Variants in PARP15 observed in about 807,000 individuals in gnomAD.
PARP15 encodes protein mono-ADP-ribosyltransferase PARP15.
Under a neutral mutation model 62.1 loss-of-function variants are expected in PARP15, and 50 were observed. The observed-to-expected ratio is 0.81, with a 90% confidence interval of 0.64 to 1.02. PARP15 has a LOEUF of 1.02. PARP15 is among the 50% of genes least tolerant of loss of function. PARP15 has a pLI of 0.00. For synonymous variants in PARP15, 309 were observed against 293.1 expected, an observed-to-expected ratio of 1.05 and a Z score of -0.55; for missense variants, 820 against 826.5, an observed-to-expected ratio of 0.99 and a Z score of 0.10.
intron 9 of PARP15, among the ~76,000 whole-genome samples, chr3:122,631,426 C>G (rs1937054965): frequency 6.6e-6 from 1 of 152,124 alleles, no homozygotes; most frequent in Admixed American, 6.6e-5. Flanking sequence ...AGGAAGAAAT[C>G]CTTTGGTTTT....
At chr3:122,610,118 G>T (rs377522853) in intron 2 of PARP15, among the ~76,000 whole-genome samples, 8 of 152,194 alleles carry the variant, frequency 5.3e-5, no homozygotes, top group Admixed American at 6.5e-5. Context: ...ATCTTTCTGT[G>T]TTTTTGTTTC....
At chr3:122,634,116 G>A (rs186431995) in intron 10 of PARP15, among the ~76,000 whole-genome samples, 1 of 152,198 alleles carries the variant, frequency 6.6e-6, no homozygotes, top group East Asian at 1.9e-4. Flanking sequence ...CAGCTGCCCA[G>A]GTACTCACTC....
At chr3:122,602,027 A>T (rs1934834934) in intron 1 of PARP15, among the ~76,000 whole-genome samples, 1 of 151,870 alleles carries the variant, frequency 6.6e-6, no homozygotes, top group South Asian at 2.1e-4. Context: ...TTTTTATATG[A>T]CTTAGCTGCT....
At chr3:122,584,011 TGTGGTAAG>T (rs1933196915) in intron 1 of PARP15, among the ~76,000 whole-genome samples, 2 of 34,306 alleles carry the variant, frequency 5.8e-5, no homozygotes, top group South Asian at 1.7e-3. Context: ...CCGCTCTCCA[TGTGGTAAG>T]CCTATGTGGT....
At chr3:122,632,763 A>T (rs1400851507) in intron 10 of PARP15, among the ~76,000 whole-genome samples, 1 of 152,208 alleles carries the variant, frequency 6.6e-6, no homozygotes, top group Non-Finnish European at 1.5e-5. Context: ...TGTCTAGGGA[A>T]TACCTTGTTC....
intron 9 of PARP15, among the ~76,000 whole-genome samples, chr3:122,627,936 C>G (rs548258991): frequency 3.7e-4 from 56 of 152,186 alleles, no homozygotes; most frequent in Non-Finnish European, 7.5e-4. Context: ...CTGGCTTAAG[C>G]AAAAAGCAGA....
In PARP15 at chr3:122,577,657, G is replaced by A; in HGVS notation, c.-11G>A. On this transcript the variant is annotated 5_prime_UTR_variant, in exon 1 of 12. Coordinates refer to ENST00000464300, the MANE Select transcript of PARP15 (RefSeq NM_001113523.3). ...TGGGTGGGGCGCAACTGCAGTCCCAGCGAGCTGAGGATGGCTGCGCCAGGC... is the reference window on the plus strand; with the variant it reads ...TGGGTGGGGCGCAACTGCAGTCCCAACGAGCTGAGGATGGCTGCGCCAGGC... 1 of 1,551,570 alleles carries A rather than the reference G, an allele frequency of 6.4e-7. No individual in the cohort carries two copies. The highest frequency in any genetic ancestry group is 8.7e-7 in the Non-Finnish European group (1 of 1,146,934).
At chr3:122,597,347 GTT>G (rs60185867) in intron 1 of PARP15, among the ~76,000 whole-genome samples, 7 of 151,060 alleles carry the variant, frequency 4.6e-5, no homozygotes, top group Admixed American at 2.6e-4. Context: ...ATAGCAAGTG[GTT>G]TTTTTTTTCT....
intron 1 of PARP15, among the ~76,000 whole-genome samples, chr3:122,598,283 ATAACAAACATTTATTATC>A (rs1559940845): frequency 6.6e-6 from 1 of 152,238 alleles, no homozygotes; most frequent in African/African-American, 2.4e-5. Context: ...GGTGTTTTAG[ATAACAAACATTTATTATC>A]TCACACTTTC....
intron 1 of PARP15, among the ~76,000 whole-genome samples, chr3:122,599,129 T>G: frequency 1.3e-5 from 2 of 152,144 alleles, no homozygotes; most frequent in Non-Finnish European, 2.9e-5. Context: ...ACTCCTGACC[T>G]CAGGTGATCC....
intron 1 of PARP15, among the ~76,000 whole-genome samples, chr3:122,587,560 C>G (rs988131036): frequency 1.9e-4 from 29 of 152,096 alleles, no homozygotes; most frequent in African/African-American, 7.0e-4. Context: ...GAGCTGGGGT[C>G]TCGCTCTGTC....
At chr3:122,627,384 T>C (rs1292133214) in intron 9 of PARP15, among the ~76,000 whole-genome samples, 1 of 152,200 alleles carries the variant, frequency 6.6e-6, no homozygotes, top group Non-Finnish European at 1.5e-5. Flanking sequence ...AACTAGCTGA[T>C]TAATATTGGT....
At chr3:122,584,041 G>C (rs978554238) in intron 1 of PARP15, among the ~76,000 whole-genome samples, 7 of 151,870 alleles carry the variant, frequency 4.6e-5, no homozygotes, top group African/African-American at 1.7e-4. Flanking sequence ...AGCCTATGTG[G>C]TAAGCTCCAT....
At chr3:122,625,835 A>G (rs1489965371) in intron 8 of PARP15, among the ~76,000 whole-genome samples, 1 of 152,158 alleles carries the variant, frequency 6.6e-6, no homozygotes, top group Admixed American at 6.5e-5. Flanking sequence ...TTCAAGAGGG[A>G]TCAAATGACT....
At chr3:122,606,183 G>A in intron 2 of PARP15, 128 bp downstream of exon 2, 1 of 1,218,212 alleles carries the variant, frequency 8.2e-7, no homozygotes, top group Non-Finnish European at 1.1e-6. Context: ...AGATAAATTT[G>A]AGAAGTTAAA....
chr3:122,580,833 A>G (rs969410904), intron 1 of PARP15, among the ~76,000 whole-genome samples: 74 of 149,316 alleles, frequency 5.0e-4, no homozygotes, highest in Non-Finnish European at 1.0e-3. Context: ...TAATGACTGT[A>G]CAAATACAGT....
chr3:122,612,181 G>A (rs935261121), intron 3 of PARP15, among the ~76,000 whole-genome samples: 5 of 149,798 alleles, frequency 3.3e-5, no homozygotes, highest in East Asian at 2.0e-4. Flanking sequence ...TCAGCCTCCC[G>A]AGTAGCTGGG....
At chr3:122,608,494 G>A (rs1935331143) in intron 2 of PARP15, among the ~76,000 whole-genome samples, 1 of 152,006 alleles carries the variant, frequency 6.6e-6, no homozygotes, top group African/African-American at 2.4e-5. Context: ...GGGATTACAG[G>A]CATGAGCCAC....
intron 10 of PARP15, among the ~76,000 whole-genome samples, chr3:122,633,075 G>A (rs1937150709): frequency 6.6e-6 from 1 of 152,184 alleles, no homozygotes; most frequent in Non-Finnish European, 1.5e-5. Context: ...ATAGAACTGT[G>A]TACTTACCTC....
Sources: allele counts gnomAD v4.1 joint callset (sites outside exome capture counted in the v4.1 genomes callset), GRCh38; gene constraint gnomAD v4.1.1; transcripts MANE v1.5; gene names NCBI Gene and HGNC (gene_info 2026-07-23, HGNC 2026-07-21).